MACROD2: variants seen among roughly 807,000 people sequenced by gnomAD.
MACROD2 encodes the protein mono-ADP ribosylhydrolase 2.
A neutral mutation model predicts 70.4 loss-of-function variants in MACROD2; 36 were observed. The ratio of observed to expected loss-of-function variants is 0.51; its 90% CI spans 0.39 to 0.68. The LOEUF is 0.68. Among genes scored for constraint, MACROD2 ranks in the 30% least tolerant of loss-of-function variants. The probability of loss-of-function intolerance (pLI) is 0.00; values close to 1 mark genes in which losing one functional copy is unlikely to be tolerated. For missense variants in MACROD2, 496 were observed against 538.4 expected, an observed-to-expected ratio of 0.92 and a Z score of 0.78; for synonymous variants, 172 against 178.8, an observed-to-expected ratio of 0.96 and a Z score of 0.30.
At position 14,371,572 on chromosome 20, in the gene MACROD2, AAT is replaced by A. The variant is rs2083323863; in HGVS notation, c.272-121905_272-121904del. On this transcript the variant is annotated intron_variant, in intron 3 of 17. Coordinates refer to ENST00000684519, the MANE Select transcript of MACROD2 (RefSeq NM_001351661.2). ...GAATATCTGCCTTTTTATTTTTAGT[AAT>A]AGAGATTTTAAAATATAGATTATTT... 2.6e-5 allele frequency among the ~76,000 whole-genome samples: 4 copies of A among 152,296 alleles called. No individual in the cohort carries two copies. In the South Asian group the frequency reaches 6.2e-4, roughly 24 times the overall value.
chr20:15,365,567 A>G (rs2045397458), intron 6 of MACROD2, among the ~76,000 whole-genome samples: 1 of 152,002 alleles, frequency 6.6e-6, no homozygotes, highest in Admixed American at 6.5e-5. Flanking sequence ...AGGCTGAGGC[A>G]GGAGAATCGC....
At chr20:14,939,151 A>G (rs1056624523) in intron 5 of MACROD2, among the ~76,000 whole-genome samples, 1 of 151,790 alleles carries the variant, frequency 6.6e-6, no homozygotes, top group Admixed American at 6.6e-5. Flanking sequence ...CTGCTTTTGA[A>G]ATCTTATGCA....
At chr20:15,719,859 A>G (rs1198733220) in intron 8 of MACROD2, among the ~76,000 whole-genome samples, 1 of 152,114 alleles carries the variant, frequency 6.6e-6, no homozygotes, top group African/African-American at 2.4e-5. Context: ...TTTAATTACT[A>G]CAGTCACTCT....
chr20:15,827,691 C>A (rs1214043791), intron 8 of MACROD2, among the ~76,000 whole-genome samples: 2 of 152,150 alleles, frequency 1.3e-5, no homozygotes, highest in Non-Finnish European at 2.9e-5. Context: ...AATCAATCAT[C>A]TAGAAAGTTA....
At chr20:15,535,601 G>T (rs2047863593) in intron 8 of MACROD2, among the ~76,000 whole-genome samples, 1 of 152,182 alleles carries the variant, frequency 6.6e-6, no homozygotes. Flanking sequence ...TCTCTGCCTT[G>T]ACTGTATCAC....
chr20:15,627,866 T>A (rs1327754647), intron 8 of MACROD2, among the ~76,000 whole-genome samples: 1 of 152,150 alleles, frequency 6.6e-6, no homozygotes, highest in Non-Finnish European at 1.5e-5. Context: ...AAACTAAAGT[T>A]AGCTTAGCCT....
At chr20:15,698,438 A>AATCTGCTG (rs2050408128) in intron 8 of MACROD2, among the ~76,000 whole-genome samples, 1 of 152,182 alleles carries the variant, frequency 6.6e-6, no homozygotes, top group Non-Finnish European at 1.5e-5. Context: ...TCTTCTGAGA[A>AATCTGCTG]ATCTGCTGTT....
chr20:15,777,637 CCTCTCT>C (rs752086141), intron 8 of MACROD2, among the ~76,000 whole-genome samples: 1 of 90,020 alleles, frequency 1.1e-5, no homozygotes, highest in Admixed American at 1.1e-4. Context: ...CTCCTTCCTT[CCTCTCT>C]CTCTCTCTCT....
intron 5 of MACROD2, among the ~76,000 whole-genome samples, chr20:15,136,771 A>G (rs1171283964): frequency 1.3e-5 from 2 of 152,170 alleles, no homozygotes; most frequent in African/African-American, 4.8e-5. Flanking sequence ...CAGAATGAAC[A>G]GGCAACCTAC....
At chr20:14,713,188 G>A (rs1261207122) in intron 5 of MACROD2, among the ~76,000 whole-genome samples, 1 of 152,104 alleles carries the variant, frequency 6.6e-6, no homozygotes, top group Non-Finnish European at 1.5e-5. Context: ...GAAGACTTGA[G>A]GAGAAATTAC....
chr20:15,817,408 C>T (rs2063888474), intron 8 of MACROD2, among the ~76,000 whole-genome samples: 1 of 152,040 alleles, frequency 6.6e-6, no homozygotes, highest in South Asian at 2.1e-4. Context: ...CTGAATGTGC[C>T]CACCAAAAAA....
At chr20:15,137,521 G>A (rs2076158730) in intron 5 of MACROD2, among the ~76,000 whole-genome samples, 2 of 133,890 alleles carry the variant, frequency 1.5e-5, no homozygotes, top group South Asian at 5.0e-4. Context: ...AGAACACATG[G>A]ACACAGGAAA....
chr20:14,517,696 T>A (rs1158311530), intron 4 of MACROD2, among the ~76,000 whole-genome samples: 1 of 152,110 alleles, frequency 6.6e-6, no homozygotes, highest in Non-Finnish European at 1.5e-5. Flanking sequence ...CAGAAAAGTT[T>A]AATTTGATGT....
chr20:14,890,395 G>A (rs2073739423), intron 5 of MACROD2, among the ~76,000 whole-genome samples: 1 of 152,118 alleles, frequency 6.6e-6, no homozygotes, highest in Admixed American at 6.6e-5. Flanking sequence ...GACCAGTGAT[G>A]GAGGAAGAAA....
At chr20:15,208,717 C>T (rs921023185) in intron 5 of MACROD2, among the ~76,000 whole-genome samples, 1 of 152,160 alleles carries the variant, frequency 6.6e-6, no homozygotes, top group Non-Finnish European at 1.5e-5. Flanking sequence ...TGGGCTTCAG[C>T]TAGTGCCACC....
intron 5 of MACROD2, among the ~76,000 whole-genome samples, chr20:14,875,324 T>C (rs1361347323): frequency 6.6e-6 from 1 of 151,984 alleles, no homozygotes; most frequent in African/African-American, 2.4e-5. Context: ...GAAGATGCAG[T>C]GAGCCCAGAC....
chr20:14,341,687 G>A (rs1264573102), intron 3 of MACROD2, among the ~76,000 whole-genome samples: 2 of 152,132 alleles, frequency 1.3e-5, no homozygotes, highest in African/African-American at 2.4e-5. Context: ...TAGATTAAAT[G>A]TCTTGGACTG....
chr20:14,917,643 A>G (rs1477029034), intron 5 of MACROD2, among the ~76,000 whole-genome samples: 1 of 152,106 alleles, frequency 6.6e-6, no homozygotes, highest in Non-Finnish European at 1.5e-5. Flanking sequence ...AGGACAACAA[A>G]CAGCAATAAC....
At chr20:15,312,738 G>C (rs1482766636) in intron 6 of MACROD2, among the ~76,000 whole-genome samples, 1 of 152,108 alleles carries the variant, frequency 6.6e-6, no homozygotes, top group Non-Finnish European at 1.5e-5. Flanking sequence ...ATTTGACTTG[G>C]AGGTGTTTTA....
Sources: gnomAD v4.1 joint callset for allele counts (sites outside exome capture counted in the v4.1 genomes callset) on GRCh38, gnomAD v4.1.1 for gene constraint, MANE v1.5 for transcripts, NCBI Gene and HGNC (gene_info 2026-07-23, HGNC 2026-07-21) for gene names.